The following ZFAND3 variants were observed in gnomAD, a reference collection of about 807,000 sequenced individuals.
ZFAND3 encodes the protein AN1-type zinc finger protein 3.
ZFAND3 carries 10 observed loss-of-function variants against 29.6 expected under a neutral mutation model. The observed-to-expected ratio is 0.34, with a 90% confidence interval of 0.21 to 0.57. ZFAND3 has a LOEUF of 0.57. Ranked by LOEUF, ZFAND3 falls within the 20% of genes least tolerant of loss-of-function variation. The probability of loss-of-function intolerance (pLI) is 0.86; values close to 1 mark genes in which losing one functional copy is unlikely to be tolerated. For synonymous variants in ZFAND3, 128 were observed against 112.6 expected, an observed-to-expected ratio of 1.14 and a Z score of -0.87; for missense variants, 230 against 304.5, an observed-to-expected ratio of 0.76 and a Z score of 1.82.
In ZFAND3 at chr6:37,869,987, T is replaced by C. The variant is rs556249506; in HGVS notation, c.71+49971T>C. On this transcript the variant is annotated intron_variant, in intron 1 of 5. Transcript: ENST00000287218. ...AGAATCTTGGGAGATTTTATAACTTTCTTCTTTTCAGATATTGGCATTTAA... is the reference window on the plus strand; with the variant it reads ...AGAATCTTGGGAGATTTTATAACTTCCTTCTTTTCAGATATTGGCATTTAA... 2.0e-5 allele frequency among the ~76,000 whole-genome samples: 3 copies of C among 152,244 alleles called. No individual in the cohort carries two copies. The East Asian group carries it at 5.8e-4, about 29-fold the overall frequency.
intron 2 of ZFAND3, among the ~76,000 whole-genome samples, chr6:38,045,100 T>TGA (rs1473622320): frequency 5.8e-4 from 87 of 150,556 alleles, no homozygotes; most frequent in African/African-American, 1.8e-3. Context: ...ATTTATTTAT[T>TGA]TATTGAGATG....
At chr6:37,894,602 C>T (rs571791775) in intron 1 of ZFAND3, among the ~76,000 whole-genome samples, 2 of 152,188 alleles carry the variant, frequency 1.3e-5, no homozygotes, top group East Asian at 3.9e-4. Context: ...AAACTCCTGG[C>T]CTTAAGCAGT....
In ZFAND3 at chr6:38,037,393, A is replaced by G. The variant is rs547902236; in HGVS notation, c.113-24200A>G. Reference sequence around the variant, plus strand: ...GGTAGTTGAGTTGTAAATTCATGTCAGAGTTCTGGTTTTAAGAGAAGTATG... The same window carrying G: ...GGTAGTTGAGTTGTAAATTCATGTCGGAGTTCTGGTTTTAAGAGAAGTATG... On this transcript the variant is annotated intron_variant, in intron 2 of 5. Coordinates refer to ENST00000287218, the MANE Select transcript of ZFAND3 (RefSeq NM_021943.3). 1.4e-4 allele frequency among the ~76,000 whole-genome samples: 21 copies of G among 152,360 alleles called. No homozygotes were observed. The South Asian group carries it at 4.3e-3, about 32-fold the overall frequency.
intron 2 of ZFAND3, among the ~76,000 whole-genome samples, chr6:38,022,381 AGTGCCATGTTTTTTGATGCTGTTT>A (rs1763369095): frequency 1.3e-5 from 2 of 152,236 alleles, no homozygotes; most frequent in Admixed American, 6.5e-5. Context: ...ATGTCATAGC[AGTGCCATGTTTTTTGATGCTGTTT>A]GTGCATCTTC....
intron 4 of ZFAND3, among the ~76,000 whole-genome samples, chr6:38,087,577 CAT>C (rs1160786354): frequency 6.6e-6 from 1 of 152,162 alleles, no homozygotes; most frequent in Non-Finnish European, 1.5e-5. Flanking sequence ...GGCAAACAGA[CAT>C]ATAAAAAGTT....
At chr6:38,052,324 G>A (rs867996293) in intron 2 of ZFAND3, among the ~76,000 whole-genome samples, 2 of 152,182 alleles carry the variant, frequency 1.3e-5, no homozygotes, top group African/African-American at 4.8e-5. Flanking sequence ...ATTTTTATAT[G>A]TGTGGGGATA....
intron 2 of ZFAND3, among the ~76,000 whole-genome samples, chr6:37,940,300 A>G (rs1761789401): frequency 6.6e-6 from 1 of 152,186 alleles, no homozygotes; most frequent in African/African-American, 2.4e-5. Context: ...TTGTGTGTGA[A>G]TTAGAAGATT....
chr6:37,844,406 C>T (rs909416087), intron 1 of ZFAND3, among the ~76,000 whole-genome samples: 3 of 152,132 alleles, frequency 2.0e-5, no homozygotes, highest in East Asian at 1.9e-4. Flanking sequence ...CTCAGGCTCC[C>T]GAGTAGCTGG....
chr6:37,865,067 A>T (rs1364824432), intron 1 of ZFAND3, among the ~76,000 whole-genome samples: 1 of 152,108 alleles, frequency 6.6e-6, no homozygotes, highest in African/African-American at 2.4e-5. Context: ...AATCTCAGCT[A>T]CTCAGGAGGC....
intron 2 of ZFAND3, among the ~76,000 whole-genome samples, chr6:37,960,590 AC>A (rs753688070): frequency 6.7e-4 from 102 of 152,266 alleles, no homozygotes; most frequent in Non-Finnish European, 1.0e-3. Flanking sequence ...TCCTGTAGCT[AC>A]CTTCGCATTT....
intron 3 of ZFAND3, among the ~76,000 whole-genome samples, chr6:38,068,227 C>T (rs1489485898): frequency 6.6e-6 from 1 of 152,150 alleles, no homozygotes. Flanking sequence ...TGTTTTTATG[C>T]TGCCCACAAG....
intron 1 of ZFAND3, among the ~76,000 whole-genome samples, chr6:37,842,294 T>C (rs1015751385): frequency 6.6e-6 from 1 of 152,168 alleles, no homozygotes; most frequent in African/African-American, 2.4e-5. Flanking sequence ...CTCATGTCCC[T>C]TCCTAGTCAG....
chr6:37,831,249 AGAAG>A (rs1454821474), intron 1 of ZFAND3, among the ~76,000 whole-genome samples: 1 of 152,260 alleles, frequency 6.6e-6, no homozygotes, highest in Non-Finnish European at 1.5e-5. Context: ...CCAACTTGAA[AGAAG>A]GAGCACTGAT....
intron 2 of ZFAND3, among the ~76,000 whole-genome samples, chr6:37,950,908 T>C (rs1321266837): frequency 6.6e-6 from 1 of 152,190 alleles, no homozygotes; most frequent in Non-Finnish European, 1.5e-5. Context: ...CTATGAAAAA[T>C]GTCTTTGTAG....
At chr6:38,010,683 T>G (rs1352785007) in intron 2 of ZFAND3, among the ~76,000 whole-genome samples, 1 of 146,356 alleles carries the variant, frequency 6.8e-6, no homozygotes, top group Non-Finnish European at 1.5e-5. Flanking sequence ...CACTGCAACC[T>G]CCGCCTCACG....
chr6:37,912,941 A>G (rs1241059934), intron 1 of ZFAND3, among the ~76,000 whole-genome samples: 1 of 152,242 alleles, frequency 6.6e-6, no homozygotes, highest in Non-Finnish European at 1.5e-5. Flanking sequence ...GAGTACATAT[A>G]AAAGTTATGT....
chr6:38,130,238 G>T (rs1371514549), intron 5 of ZFAND3, among the ~76,000 whole-genome samples: 1 of 152,112 alleles, frequency 6.6e-6, no homozygotes, highest in Non-Finnish European at 1.5e-5. Context: ...CTAGGTGAAC[G>T]ATCATATCAT....
At chr6:38,086,936 A>G (rs930767893) in intron 4 of ZFAND3, among the ~76,000 whole-genome samples, 1 of 152,216 alleles carries the variant, frequency 6.6e-6, no homozygotes, top group Admixed American at 6.5e-5. Flanking sequence ...TGAGACTTCA[A>G]TTTATACTAC....
At chr6:38,099,148 A>G (rs1765043002) in intron 4 of ZFAND3, among the ~76,000 whole-genome samples, 1 of 152,184 alleles carries the variant, frequency 6.6e-6, no homozygotes, top group Admixed American at 6.5e-5. Context: ...ACAGAGGGTT[A>G]ATAGTTTCTT....
Sources: gnomAD v4.1 joint callset for allele counts (sites outside exome capture counted in the v4.1 genomes callset) on GRCh38, gnomAD v4.1.1 for gene constraint, MANE v1.5 for transcripts, NCBI Gene and HGNC (gene_info 2026-07-23, HGNC 2026-07-21) for gene names.